HAL: variants seen among roughly 807,000 people sequenced by gnomAD.
HAL encodes the protein histidase.
HAL carries 85 observed loss-of-function variants against 81.1 expected under a neutral mutation model. The ratio of observed to expected loss-of-function variants is 1.05; its 90% confidence interval spans 0.88 to 1.25. The LOEUF is 1.25. HAL is among the 50% of genes most tolerant of loss of function. HAL has a pLI of 0.00. For synonymous variants in HAL, 301 were observed against 309.2 expected, an observed-to-expected ratio of 0.97 and a Z score of 0.28; for missense variants, 798 against 836.6, an observed-to-expected ratio of 0.95 and a Z score of 0.57.
Position 95,985,978 on chromosome 12 carries a change from G to C in HAL, c.1148-12C>G, listed in dbSNP as rs773602083. ...GAACCTGTGACTCTCTGTGGAAGAG[G>C]TGGAGGGGATGAGACAGGGATCATG... On this transcript the variant is annotated splice_polypyrimidine_tract_variant and intron_variant, in intron 13 of 20. Coordinates refer to ENST00000261208, the MANE Select transcript of HAL (RefSeq NM_002108.4). The C allele has an allele frequency of 1.9e-6, 3 of 1,609,224 alleles. No individual in the cohort carries two copies. Among genetic ancestry groups the C allele is most frequent in the Admixed American group, 3.3e-5 (2 of 60,004 alleles).
chr12:95,986,449 C>T (rs1031178185), intron 12 of HAL, among the ~76,000 whole-genome samples: 2 of 152,154 alleles, frequency 1.3e-5, no homozygotes, highest in Non-Finnish European at 2.9e-5. Context: ...AGAAACTTAA[C>T]TCCGAAAGCA....
Position 95,974,304 on chromosome 12 carries a change from A to G in HAL, c.1902T>C (p.Leu634=), listed in dbSNP as rs1479931269. The change falls in exon 21 of 21, where the codon CTT becomes CTC. Residue 634 remains leucine (L), a synonymous_variant. Transcript: ENST00000261208. ...ATTGCAGTGAAAAGGCTGTTGGAGAAAGAGGTCTTGATTCTGGAATATGCT... is the reference window on the plus strand; with the variant it reads ...ATTGCAGTGAAAAGGCTGTTGGAGAGAGAGGTCTTGATTCTGGAATATGCT... ...RMEHIPESRP[L]SPTAFSLQFL... 9 of 1,613,076 alleles carry G rather than the reference A, an allele frequency of 5.6e-6. No homozygotes were observed. The highest frequency in any genetic ancestry group is 5.1e-6 in the Non-Finnish European group (6 of 1,179,124).
chr12:95,987,197 A>T lies in HAL; in HGVS notation c.921T>A (p.Asn307Lys), dbSNP rs11108364. ...LKPKEGLALI[N>K]GTQMITSLGC... Reference sequence around the variant, plus strand: ...CCAGGGATGTGATCATCTGCGTCCCATTGATGAGTGCCAGGCCCTGTCGGG... The same window carrying T: ...CCAGGGATGTGATCATCTGCGTCCCTTTGATGAGTGCCAGGCCCTGTCGGG... Residue 307 changes from asparagine to lysine, a missense_variant, in exon 12 of 21, where the codon AAT becomes AAA. Physicochemically the swap from Asn to Lys is moderately conservative, Grantham distance 94 (BLOSUM62 0). Coordinates refer to ENST00000261208, the MANE Select transcript of HAL (RefSeq NM_002108.4). The T allele has an allele frequency of 6.8e-6, 11 of 1,613,748 alleles. No homozygotes were observed. Among genetic ancestry groups the T allele is most frequent in the Non-Finnish European group, 8.5e-6 (10 of 1,179,712 alleles).
chr12:95,995,642 GC>G (rs1262413540), intron 2 of HAL, 21 bp downstream of exon 2: 1 of 1,611,994 alleles, frequency 6.2e-7, no homozygotes, highest in Non-Finnish European at 8.5e-7. Flanking sequence ...CCCGTTCGCG[GC>G]CCTCTCCTGC....
intron 20 of HAL, among the ~76,000 whole-genome samples, chr12:95,975,019 C>T (rs552822990): frequency 1.3e-5 from 2 of 152,320 alleles, no homozygotes; most frequent in East Asian, 1.9e-4. Flanking sequence ...GGATTACAGG[C>T]GTGAGCCACC....
chr12:95,979,568 T>A (rs1326173137), intron 17 of HAL, among the ~76,000 whole-genome samples: 1 of 152,230 alleles, frequency 6.6e-6, no homozygotes, highest in Non-Finnish European at 1.5e-5. Flanking sequence ...TAACTCATGC[T>A]ATCCTGCCTT....
intron 15 of HAL, among the ~76,000 whole-genome samples, 185 bp from the exon 16 acceptor site, chr12:95,981,048 G>A (rs2080789297): frequency 6.6e-6 from 1 of 152,156 alleles, no homozygotes; most frequent in Admixed American, 6.5e-5. Context: ...AGCCTTAAAG[G>A]TGGATCATGT....
At position 95,990,513 on chromosome 12, in the gene HAL, G is replaced by A. The variant is rs1265323181; in HGVS notation, c.735C>T (p.Val245=). The change falls in exon 10 of 21, where the codon GTC becomes GTT. Residue 245 remains valine (V), a synonymous_variant. Transcript: ENST00000261208. ...EMFNASCLPY[V]PEKGTVGASG... is the part of the protein sequence containing the mutation. ...TGGCACCAACGGTTCCTTTCTCTGG[G>A]ACATAGGGCAGGCAGGAGGCTGGGA... The A allele has an allele frequency of 6.2e-7, 1 of 1,613,556 alleles. No homozygotes were observed. The highest frequency in any genetic ancestry group is 8.5e-7 in the Non-Finnish European group (1 of 1,179,448).
intron 9 of HAL, among the ~76,000 whole-genome samples, chr12:95,991,246 G>GT (rs3214368): frequency 3.8e-4 from 57 of 151,260 alleles, no homozygotes; most frequent in Admixed American, 7.2e-4. Flanking sequence ...GGAACTAGCT[G>GT]TTTTTTTTTG....
chr12:95,973,889 C>A lies in HAL; in HGVS notation c.*343G>T. 1 of 201,256 alleles carries A rather than the reference C, an allele frequency of 5.0e-6. No individual in the cohort carries two copies. The highest frequency in any genetic ancestry group is 9.9e-6 in the Non-Finnish European group (1 of 100,614). 12.5% of individuals were successfully genotyped at this position (201,256 alleles called of 1,614,324 possible). A position where few individuals can be genotyped will look rare whatever the true frequency, so the allele number is the denominator to read the frequency against. On this transcript the variant is annotated 3_prime_UTR_variant, in exon 21 of 21. Coordinates refer to ENST00000261208, the MANE Select transcript of HAL (RefSeq NM_002108.4). ...GAAAAAATTGCTATCAATCTGTTTC[C>A]AAATTTGAATTCATCTAATGCTAAG...
At chr12:95,978,888 T>A (rs1416946539) in intron 17 of HAL, among the ~76,000 whole-genome samples, 6 of 152,230 alleles carry the variant, frequency 3.9e-5, no homozygotes, top group Non-Finnish European at 8.8e-5. Flanking sequence ...TTTTCTATGC[T>A]GCATGGGATC....
At chr12:95,978,648 G>A (rs539315020) in intron 17 of HAL, among the ~76,000 whole-genome samples, 1 of 152,138 alleles carries the variant, frequency 6.6e-6, no homozygotes, top group East Asian at 1.9e-4. Context: ...ATCACTCAGG[G>A]ACCTTGTTAT....
intron 10 of HAL, among the ~76,000 whole-genome samples, chr12:95,988,467 G>T (rs958456805): frequency 2.0e-5 from 3 of 152,080 alleles, no homozygotes; most frequent in African/African-American, 7.2e-5. Context: ...TGAAATCAGG[G>T]GCTCCATTGT....
At position 95,993,839 on chromosome 12, in the gene HAL, C is replaced by T. The variant is rs776305521; in HGVS notation, c.485-1G>A. 6.4e-7 allele frequency: 1 copy of T among 1,559,072 alleles called. No homozygotes were observed. The highest frequency in any genetic ancestry group is 1.1e-5 in the South Asian group (1 of 89,954). ...AAACCTGTAGTAATACCGTAAACAA[C>T]TAGAATAAAAAGAGACATTATGCAA... is the stretch of plus-strand genomic sequence containing the variant. On this transcript the variant is annotated splice_acceptor_variant, in intron 6 of 20. Transcript: ENST00000261208. LOFTEE classifies it high-confidence loss of function.
In HAL at chr12:95,987,227, A is replaced by T; in HGVS notation, c.904-13T>A. ...TGAGTGCCAGGCCCTGTCGGGGGAG[A>T]GAGCAAAGTTTCCTACTGTGATTAT... On this transcript the variant is annotated splice_polypyrimidine_tract_variant and intron_variant, in intron 11 of 20. Transcript: ENST00000261208. The T allele has an allele frequency of 6.2e-7, 1 of 1,611,920 alleles. No homozygotes were observed. Among genetic ancestry groups the T allele is most frequent in the East Asian group, 2.2e-5 (1 of 44,864 alleles).
At position 95,974,214 on chromosome 12, in the gene HAL, A is replaced by G. The variant is rs761132742; in HGVS notation, c.*18T>C. On this transcript the variant is annotated 3_prime_UTR_variant, in exon 21 of 21. Coordinates refer to ENST00000261208, the MANE Select transcript of HAL (RefSeq NM_002108.4). ...TAAACTGACTGCCCTCTCATCTGCT[A>G]CTTCATGACAAAGCCCATTAAAGGT... 95 of 1,611,828 alleles carry G rather than the reference A, an allele frequency of 5.9e-5. No individual in the cohort carries two copies. Among genetic ancestry groups the G allele is most frequent in the Non-Finnish European group, 7.5e-5 (88 of 1,178,024 alleles).
chr12:95,988,153 A>C, intron 11 of HAL, 40 bp downstream of exon 11: 1 of 950,682 alleles, frequency 1.1e-6, no homozygotes, highest in Non-Finnish European at 1.7e-6. Context: ...ATAAATAAAA[A>C]CTCATGCACT....
intron 10 of HAL, among the ~76,000 whole-genome samples, chr12:95,988,510 G>A (rs568525474): frequency 1.5e-4 from 23 of 152,090 alleles, no homozygotes; most frequent in South Asian, 2.1e-4. Context: ...TGGTTTCTAC[G>A]TCCTTCGTGT....
At chr12:95,978,845 C>G (rs2080757712) in intron 17 of HAL, among the ~76,000 whole-genome samples, 1 of 152,164 alleles carries the variant, frequency 6.6e-6, no homozygotes, top group South Asian at 2.1e-4. Flanking sequence ...CTTTCTCTGG[C>G]TTTAAGAGTG....
Sources: gnomAD v4.1 joint callset for allele counts (sites outside exome capture counted in the v4.1 genomes callset) on GRCh38, gnomAD v4.1.1 for gene constraint, MANE v1.5 for transcripts, NCBI Gene and HGNC (gene_info 2026-07-23, HGNC 2026-07-21) for gene names.